Variants in KLF17 observed in about 807,000 individuals in gnomAD.
KLF17 encodes the protein Krueppel-like factor 17.
A neutral mutation model predicts 34.2 loss-of-function variants in KLF17; 31 were observed. The observed-to-expected ratio is 0.91, with a 90% confidence interval of 0.68 to 1.22. The LOEUF (loss-of-function observed/expected upper bound fraction) is 1.22, where lower values mean the gene tolerates loss of function less well. Among genes scored for constraint, KLF17 ranks in the 50% most tolerant of loss-of-function variants. The probability of loss-of-function intolerance (pLI) is 0.00; values close to 1 mark genes in which losing one functional copy is unlikely to be tolerated. For synonymous variants in KLF17, 179 were observed against 186.7 expected (o/e 0.96, Z 0.34); for missense variants, 478 against 505.2 (o/e 0.95, Z 0.52).
At chr1:44,083,914 T>C in the KLF17 span, among the ~76,000 whole-genome samples, 2 of 152,040 alleles carry the variant, frequency 1.3e-5, no homozygotes, top group Admixed American at 1.3e-4. Flanking sequence ...GATCGTCCTC[T>C]CTAGGAAAGT....
At chr1:44,088,819 G>A in the KLF17 span, among the ~76,000 whole-genome samples, 1 of 152,120 alleles carries the variant, frequency 6.6e-6, no homozygotes, top group African/African-American at 2.4e-5. Flanking sequence ...AGAGCGTTAG[G>A]TGTGAGCTGA....
the KLF17 span, chr1:44,088,569 G>A: frequency 6.6e-6 from 1 of 152,274 alleles, no homozygotes; most frequent in Non-Finnish European, 1.5e-5. Flanking sequence ...CTTGTCTAAG[G>A]TGATTTCTTC....
At chr1:44,119,255 A>C (rs1354346614) in intron 1 of KLF17, among the ~76,000 whole-genome samples, 3 of 152,042 alleles carry the variant, frequency 2.0e-5, no homozygotes, top group Admixed American at 2.0e-4. Context: ...GGTGTAAATC[A>C]TACGTCGTTT....
the KLF17 span, among the ~76,000 whole-genome samples, chr1:44,089,713 G>A: frequency 1.3e-5 from 2 of 152,186 alleles, no homozygotes; most frequent in Non-Finnish European, 2.9e-5. Flanking sequence ...AATAGTGGCT[G>A]TCCAAATCGG....
intron 1 of KLF17, among the ~76,000 whole-genome samples, chr1:44,124,557 C>T (rs1316066292): frequency 1.3e-5 from 2 of 149,342 alleles, no homozygotes; most frequent in South Asian, 2.1e-4. Flanking sequence ...TGCAGTGGCA[C>T]GATCTCGGCT....
At chr1:44,096,035 A>G in the KLF17 span, among the ~76,000 whole-genome samples, 496 of 151,796 alleles carry the variant, frequency 3.3e-3, 5 homozygotes, top group African/African-American at 0.011. Flanking sequence ...TCTGCCCCCC[A>G]GGTTCCAGTG....
the KLF17 span, among the ~76,000 whole-genome samples, chr1:44,080,236 C>CTT: frequency 8.4e-3 from 789 of 94,098 alleles, 33 homozygotes; most frequent in East Asian, 0.038. Flanking sequence ...CCCTCTGTGT[C>CTT]TTTTTTTTTT....
the KLF17 span, among the ~76,000 whole-genome samples, chr1:44,090,489 C>T: frequency 6.6e-6 from 1 of 152,156 alleles, no homozygotes; most frequent in Non-Finnish European, 1.5e-5. Flanking sequence ...ATGGCTTTCA[C>T]AGTTCTACTG....
the KLF17 span, among the ~76,000 whole-genome samples, chr1:44,071,570 A>G: frequency 6.6e-6 from 1 of 151,706 alleles, no homozygotes; most frequent in South Asian, 2.1e-4. Flanking sequence ...CCTGCCTACA[A>G]CCAACAGTCC....
At chr1:44,071,102 A>G in the KLF17 span, among the ~76,000 whole-genome samples, 2 of 152,180 alleles carry the variant, frequency 1.3e-5, no homozygotes, top group Non-Finnish European at 2.9e-5. Flanking sequence ...GAGGTTACCA[A>G]TGAGCATCAC....
chr1:44,057,986 G>A, the KLF17 span, among the ~76,000 whole-genome samples: 3 of 152,166 alleles, frequency 2.0e-5, no homozygotes, highest in Non-Finnish European at 2.9e-5. Flanking sequence ...CACTTTCACC[G>A]AGTGGATAGA....
chr1:44,112,743 C>G, the KLF17 span, among the ~76,000 whole-genome samples: 1 of 152,158 alleles, frequency 6.6e-6, no homozygotes, highest in Non-Finnish European at 1.5e-5. Context: ...TTTCTTACCC[C>G]ACTGCCAGCC....
At chr1:44,062,765 A>G in the KLF17 span, among the ~76,000 whole-genome samples, 1 of 152,150 alleles carries the variant, frequency 6.6e-6, no homozygotes, top group East Asian at 1.9e-4. Context: ...ATGGGAAAAA[A>G]CGAGGAACCT....
In KLF17 at chr1:44,129,852, C is replaced by T. The variant is rs138244178; in HGVS notation, c.581C>T (p.Pro194Leu). 1.4e-5 allele frequency: 22 copies of T among 1,614,074 alleles called. No homozygotes were observed. Among genetic ancestry groups the T allele is most frequent in the Middle Eastern group, 3.3e-4 (2 of 6,084 alleles). Residue 194 changes from proline to leucine, a missense_variant, in exon 2 of 4, where the codon CCG becomes CTG. Pro to Leu is a moderately conservative substitution (Grantham distance 98). Transcript: ENST00000372299. ...TVPSDETLLG[P>L]TVPSTEAQAV... ...CCTTCTGACGAAACATTGTTGGGCC[C>T]GACTGTGCCTTCCACTGAGGCCCAG...
At chr1:44,120,747 G>T (rs2087936189) in intron 1 of KLF17, among the ~76,000 whole-genome samples, 1 of 152,230 alleles carries the variant, frequency 6.6e-6, no homozygotes, top group African/African-American at 2.4e-5. Context: ...GCACCCCAGA[G>T]GTGCCCACCC....
At chr1:44,126,811 G>C (rs901590379) in intron 1 of KLF17, among the ~76,000 whole-genome samples, 1 of 151,978 alleles carries the variant, frequency 6.6e-6, no homozygotes, top group Non-Finnish European at 1.5e-5. Flanking sequence ...GCTTCGATAG[G>C]CTATTTTACT....
chr1:44,102,312 T>C, the KLF17 span, among the ~76,000 whole-genome samples: 1 of 151,912 alleles, frequency 6.6e-6, no homozygotes, highest in Non-Finnish European at 1.5e-5. Flanking sequence ...GGTGGGCAGA[T>C]CACTTAAGGC....
At chr1:44,104,666 G>A in the KLF17 span, 12 of 462,972 alleles carry the variant, frequency 2.6e-5, 1 homozygote, top group Middle Eastern at 1.9e-3. Context: ...GAAGCTCTAA[G>A]AGCTGATGCA....
In KLF17 at chr1:44,129,502, G is replaced by A. The variant is rs573439159; in HGVS notation, c.231G>A (p.Ala77=). The A allele has an allele frequency of 2.0e-4, 329 of 1,612,620 alleles. 3 individuals carry two copies. The South Asian group carries it at 3.1e-3, about 15-fold the overall frequency. The change falls in exon 2 of 4, where the codon GCG becomes GCA. Residue 77 remains alanine (A), a synonymous_variant. Transcript: ENST00000372299. ...GGTCCCCTTTGGTGTCTGTTGAGGC[G>A]CCGGGGCAGAATGTGAATGAAGGGG... is the stretch of plus-strand genomic sequence containing the variant. ...MLGSPLVSVE[A]PGQNVNEGGP... is the part of the protein sequence containing the mutation.
Sources: gnomAD v4.1 joint callset for allele counts (sites outside exome capture counted in the v4.1 genomes callset) on GRCh38, gnomAD v4.1.1 for gene constraint, MANE v1.5 for transcripts, NCBI Gene and HGNC (gene_info 2026-07-23, HGNC 2026-07-21) for gene names.